Variants in ACOT7 observed in about 807,000 individuals in gnomAD.
ACOT7 encodes the protein acyl-CoA thioesterase 7, also known as cytosolic acyl coenzyme A thioester hydrolase.
ACOT7 carries 12 observed loss-of-function variants against 40.2 expected under a neutral mutation model. The observed-to-expected ratio is 0.30, with a 90% CI of 0.19 to 0.48. The LOEUF is 0.48. Among genes scored for constraint, ACOT7 ranks in the 20% least tolerant of loss-of-function variants. The probability of loss-of-function intolerance (pLI) is 0.99; values close to 1 mark genes in which losing one functional copy is unlikely to be tolerated. For missense variants in ACOT7, 395 were observed against 530.8 expected, an observed-to-expected ratio of 0.74 and a Z score of 2.51; for synonymous variants, 228 against 219.5, an observed-to-expected ratio of 1.04 and a Z score of -0.34.
chr1:6,286,795 GCT>G (rs1252807292), intron 7 of ACOT7, among the ~76,000 whole-genome samples: 1 of 152,164 alleles, frequency 6.6e-6, no homozygotes, highest in African/African-American at 2.4e-5. Context: ...TTCTATCCTT[GCT>G]CTGAGGCTAT....
intron 1 of ACOT7, among the ~76,000 whole-genome samples, chr1:6,389,382 A>G (rs916460002): frequency 6.6e-6 from 1 of 152,148 alleles, no homozygotes; most frequent in East Asian, 1.9e-4. Context: ...CTCCATCAGC[A>G]TGGTTATTCC....
intron 6 of ACOT7, among the ~76,000 whole-genome samples, chr1:6,308,928 T>C (rs1049108863): frequency 6.6e-6 from 1 of 152,260 alleles, no homozygotes; most frequent in African/African-American, 2.4e-5. Flanking sequence ...GGCTCTTTAC[T>C]GATAAACTTA....
chr1:6,388,431 C>A (rs1642475963), intron 1 of ACOT7, among the ~76,000 whole-genome samples: 1 of 151,034 alleles, frequency 6.6e-6, no homozygotes, highest in Admixed American at 6.6e-5. Context: ...TTCATTAATT[C>A]CATTATAAAA....
intron 8 of ACOT7, among the ~76,000 whole-genome samples, chr1:6,266,499 CTGAGACT>C (rs1638854732): frequency 1.3e-5 from 2 of 152,256 alleles, no homozygotes; most frequent in Non-Finnish European, 2.9e-5. Flanking sequence ...GGTCTGGGAG[CTGAGACT>C]CACTTCTAAC....
In ACOT7 at chr1:6,298,755, G is replaced by T. The variant is rs375748452; in HGVS notation, c.713-3775C>A. ...AGGCTCTCCTGGTCTCTCTCCCATG[G>T]CAAGGGGCCTCCATAAAGGCCCAGC... On this transcript the variant is annotated intron_variant, in intron 6 of 8. Transcript: ENST00000361521. Among the ~76,000 whole-genome samples, 128 of 152,310 alleles carry T rather than the reference G, an allele frequency of 8.4e-4. 3 individuals are homozygous for T. The South Asian group carries it at 0.026, about 31-fold the overall frequency.
intron 8 of ACOT7, among the ~76,000 whole-genome samples, chr1:6,276,569 G>A (rs887310947): frequency 1.2e-4 from 19 of 152,220 alleles, no homozygotes; most frequent in African/African-American, 4.3e-4. Flanking sequence ...TAGACAGGAG[G>A]CTGAAGAAAG....
intron 6 of ACOT7, 175 bp from the exon 7 acceptor site, chr1:6,295,155 G>C: frequency 1.9e-6 from 1 of 529,918 alleles, no homozygotes. Flanking sequence ...CGCTACATGG[G>C]GCTTCCTCAG....
At chr1:6,302,805 T>C (rs1640008502) in intron 6 of ACOT7, among the ~76,000 whole-genome samples, 1 of 151,788 alleles carries the variant, frequency 6.6e-6, no homozygotes, top group Non-Finnish European at 1.5e-5. Flanking sequence ...AGATGGTCCC[T>C]GCAGAAGTGA....
rs545841881 is a variant in ACOT7, at chr1:6,264,345, G to C, written c.*252C>G. 2 of 492,116 alleles carry C rather than the reference G, an allele frequency of 4.1e-6. No individual in the cohort carries two copies. Among genetic ancestry groups the C allele is most frequent in the Admixed American group, 4.0e-5 (1 of 24,926 alleles). 30.5% of individuals were successfully genotyped at this position (492,116 alleles called of 1,614,324 possible). A position where few individuals can be genotyped will look rare whatever the true frequency, so the allele number is the denominator to read the frequency against. On this transcript the variant is annotated 3_prime_UTR_variant, in exon 9 of 9. Coordinates refer to ENST00000361521, the MANE Select transcript of ACOT7 (RefSeq NM_007274.4). Reference sequence around the variant, plus strand: ...CTACAGCGTGCTCGGAAGCATTCCCGAGGGTTTCTGCCCAACGCCTCCCGG... The same window carrying C: ...CTACAGCGTGCTCGGAAGCATTCCCCAGGGTTTCTGCCCAACGCCTCCCGG...
intron 1 of ACOT7, chr1:6,385,891 C>T (rs956103968): frequency 4.6e-6 from 6 of 1,298,050 alleles, no homozygotes; most frequent in Admixed American, 3.0e-5. Context: ...TACAAAAGAC[C>T]AGTGATGCAA....
At chr1:6,267,310 G>A (rs1638880015) in intron 8 of ACOT7, among the ~76,000 whole-genome samples, 1 of 152,214 alleles carries the variant, frequency 6.6e-6, no homozygotes, top group African/African-American at 2.4e-5. Flanking sequence ...AGAGGACCAG[G>A]AGGGGCCAAG....
chr1:6,377,050 C>G (rs970880660), intron 1 of ACOT7, among the ~76,000 whole-genome samples: 4 of 152,144 alleles, frequency 2.6e-5, no homozygotes, highest in Admixed American at 2.6e-4. Context: ...ACATGCCTGT[C>G]AGAATGGCCT....
intron 1 of ACOT7, among the ~76,000 whole-genome samples, chr1:6,380,586 C>CAAAAAAAA (rs58196406): frequency 1.2e-5 from 1 of 85,332 alleles, no homozygotes; most frequent in Non-Finnish European, 2.7e-5. Context: ...AAGACCGTCT[C>CAAAAAAAA]AAAAAAAAAA....
In ACOT7 at chr1:6,359,168, A is replaced by C. The variant is rs927486036; in HGVS notation, c.144-9302T>G. Reference sequence around the variant, plus strand: ...GGGCCGCTGCTGAGCGGCCTCAGGGAAGCGGCTATGAGGCTCTGCCTTCTC... The same window carrying C: ...GGGCCGCTGCTGAGCGGCCTCAGGGCAGCGGCTATGAGGCTCTGCCTTCTC... On this transcript the variant is annotated intron_variant, in intron 1 of 8. Transcript: ENST00000361521. The surrounding 1 kb of genome is among the most constrained non-coding windows in gnomAD (Gnocchi z 4.1). The C allele has an allele frequency of 2.3e-5, 6 of 264,700 alleles. No homozygotes were observed. The Admixed American group carries it at 3.0e-4, about 13-fold the overall frequency. The allele number at this position is 264,700 out of a possible 1,614,324, so 16.4% of individuals were successfully genotyped here. A position where few individuals can be genotyped will look rare whatever the true frequency, so the allele number is the denominator to read the frequency against.
chr1:6,327,309 G>A lies in ACOT7; in HGVS notation c.615C>T (p.Val205=). 6.2e-7 allele frequency: 1 copy of A among 1,614,194 alleles called. No homozygotes were observed. Among genetic ancestry groups the A allele is most frequent in the African/African-American group, 1.3e-5 (1 of 75,056 alleles). ...KWRNGDIVQP[V]LNPEPNTVSY... ...GTCCGCGGCTCTTACCTGGGTTGAG[G>A]ACTGGCTGGACGATGTCCCCGTTCC... Residue 205 remains valine (V), a synonymous_variant, in exon 5 of 9, where the codon GTC becomes GTT. Coordinates refer to ENST00000361521, the MANE Select transcript of ACOT7 (RefSeq NM_007274.4).
intron 6 of ACOT7, among the ~76,000 whole-genome samples, chr1:6,308,912 G>A (rs567685699): frequency 1.3e-5 from 2 of 152,224 alleles, no homozygotes; most frequent in Non-Finnish European, 2.9e-5. Flanking sequence ...AGCTGGCGCA[G>A]TCAGTGGCTC....
rs997213275 is a variant in ACOT7, at chr1:6,330,887, G to A, written c.510+2590C>T. Among the ~76,000 whole-genome samples the A allele has an allele frequency of 7.2e-5, 11 of 152,244 alleles. No individual in the cohort carries two copies. Among genetic ancestry groups the A allele is most frequent in the African/African-American group, 2.7e-4 (11 of 41,468 alleles). ...TGCTGAAGCCAGGCATGGGGCCTGG[G>A]AGAGATTTCAGAACTGGGTAGCATC... On this transcript the variant is annotated intron_variant, in intron 4 of 8. Transcript: ENST00000361521. This position sits in a 1 kb window ranked among gnomAD's most constrained non-coding sequence, Gnocchi z 4.6.
At position 6,281,207 on chromosome 1, in the gene ACOT7, G is replaced by T. The variant is rs768954851; in HGVS notation, c.909C>A (p.Asp303Glu). 4.3e-6 allele frequency: 7 copies of T among 1,614,048 alleles called. No individual in the cohort carries two copies. The Admixed American group carries it at 1.0e-4, about 23-fold the overall frequency. The change falls in exon 8 of 9, where the codon GAC becomes GAA. Residue 303 changes from aspartate (D) to glutamate (E), a missense_variant. Physicochemically the swap from Asp to Glu is conservative, Grantham distance 45. This residue lies in a region of ACOT7 where 309 missense variants were observed against 470.3 expected (regional missense o/e 0.66). Coordinates refer to ENST00000361521, the MANE Select transcript of ACOT7 (RefSeq NM_007274.4). ...SMEIEVLVDA[D>E]PVVDSSQKRY... ...GCTTCTGAGAGCTGTCCACAACAGGGTCGGCGTCCACCAACACCTCGATCT... is the reference window on the plus strand; with the variant it reads ...GCTTCTGAGAGCTGTCCACAACAGGTTCGGCGTCCACCAACACCTCGATCT...
chr1:6,385,744 C>A, intron 1 of ACOT7: 1 of 1,521,026 alleles, frequency 6.6e-7, no homozygotes, highest in Non-Finnish European at 8.8e-7. Flanking sequence ...TCTGCCTGGC[C>A]GGCTCAGCAG....
Sources: allele counts gnomAD v4.1 joint callset (sites outside exome capture counted in the v4.1 genomes callset), GRCh38; gene constraint gnomAD v4.1.1; regional missense constraint gnomAD v4.1.1; non-coding constraint Gnocchi (gnomAD v3.1); transcripts MANE v1.5; gene names NCBI Gene and HGNC (gene_info 2026-07-23, HGNC 2026-07-21).